The following AKAP13 variants were observed in gnomAD, a reference collection of about 807,000 sequenced individuals.
The protein encoded by AKAP13 is A-kinase anchoring protein 13.
Under a neutral mutation model 264.5 loss-of-function variants are expected in AKAP13, and 80 were observed. The ratio of observed to expected loss-of-function variants is 0.30; its 90% CI spans 0.25 to 0.36. The LOEUF is 0.36. Ranked by LOEUF, AKAP13 falls within the 10% of genes least tolerant of loss-of-function variation. The pLI is 1.00. For synonymous variants in AKAP13, 1,380 were observed against 1,250.2 expected, an observed-to-expected ratio of 1.10 and a Z score of -2.19; for missense variants, 3,712 against 3,435.2, an observed-to-expected ratio of 1.08 and a Z score of -2.01.
intron 10 of AKAP13, among the ~76,000 whole-genome samples, chr15:85,654,268 G>A (rs772146421): frequency 6.6e-5 from 10 of 152,150 alleles, no homozygotes. Context: ...CAAACTTTAG[G>A]TGGGGTCATA....
chr15:85,446,923 A>G (rs556340853), intron 1 of AKAP13, among the ~76,000 whole-genome samples: 3 of 152,282 alleles, frequency 2.0e-5, no homozygotes, highest in Non-Finnish European at 4.4e-5. Flanking sequence ...TTAAACTTAA[A>G]AAAGTGAATG....
chr15:85,393,548 A>G (rs992805773), intron 1 of AKAP13, among the ~76,000 whole-genome samples: 12 of 152,214 alleles, frequency 7.9e-5, no homozygotes, highest in African/African-American at 2.7e-4. Flanking sequence ...GTCATTTTCT[A>G]TAAGGTGTTT....
intron 1 of AKAP13, among the ~76,000 whole-genome samples, chr15:85,441,565 A>G (rs2073654780): frequency 2.6e-5 from 4 of 152,148 alleles, no homozygotes; most frequent in Admixed American, 2.6e-4. Context: ...TCATATATCT[A>G]AGGGATCTTT....
chr15:85,450,142 G>A (rs532832815), intron 1 of AKAP13, among the ~76,000 whole-genome samples: 2 of 152,004 alleles, frequency 1.3e-5, no homozygotes, highest in East Asian at 1.9e-4. Flanking sequence ...TGCTCAGTCT[G>A]GGTGGGGGTG....
At chr15:85,588,455 A>T (rs1448531696) in intron 8 of AKAP13, among the ~76,000 whole-genome samples, 1 of 152,204 alleles carries the variant, frequency 6.6e-6, no homozygotes, top group East Asian at 1.9e-4. Context: ...ACATCCTTGA[A>T]TTCAAATACC....
chr15:85,399,232 C>T (rs1378996817), intron 1 of AKAP13, among the ~76,000 whole-genome samples: 1 of 151,490 alleles, frequency 6.6e-6, no homozygotes, highest in Non-Finnish European at 1.5e-5. Flanking sequence ...CGCGGTGGCT[C>T]ACGCCTGTAA....
rs753793034 is a variant in AKAP13, at chr15:85,579,366, C to G, written c.1298C>G (p.Pro433Arg). The change falls in exon 7 of 37, where the codon CCC (proline) becomes CGC (arginine). Residue 433 changes from proline to arginine, a missense_variant. By Grantham distance (103) the Pro-to-Arg change is moderately radical (BLOSUM62 -2). This residue lies in a region of AKAP13 where 2,759 missense variants were observed against 2,411.7 expected (regional missense o/e 1.14). Transcript: ENST00000394518. The stretch of plus-strand genomic sequence containing the variant: ...ACTGGAACAAAATCTTCTGGAATGC[C>G]CACAGACCAGGAGTCCCTGAGCAGT... ...EETGTKSSGM[P>R]TDQESLSSGD... 20 of 1,614,128 alleles carry G rather than the reference C, an allele frequency of 1.2e-5. 1 individual carries two copies. The Admixed American group carries it at 3.3e-4, about 27-fold the overall frequency.
intron 14 of AKAP13, among the ~76,000 whole-genome samples, chr15:85,678,304 C>T (rs541624762): frequency 2.0e-4 from 31 of 152,304 alleles, no homozygotes; most frequent in African/African-American, 7.2e-4. Context: ...CTTGCTGATT[C>T]TAAGTTTCAG....
chr15:85,738,510 T>G (rs2088706864), intron 33 of AKAP13, among the ~76,000 whole-genome samples: 1 of 152,192 alleles, frequency 6.6e-6, no homozygotes, highest in African/African-American at 2.4e-5. Context: ...TCATGGTAGA[T>G]AAGTAACATA....
chr15:85,504,853 C>A (rs112026940), intron 2 of AKAP13, among the ~76,000 whole-genome samples: 1 of 152,060 alleles, frequency 6.6e-6, no homozygotes, highest in Non-Finnish European at 1.5e-5. Flanking sequence ...GAGACACTCT[C>A]GCTTGCTCTT....
chr15:85,601,051 A>G (rs2080041871), intron 8 of AKAP13, among the ~76,000 whole-genome samples: 1 of 152,222 alleles, frequency 6.6e-6, no homozygotes, highest in Non-Finnish European at 1.5e-5. Context: ...CTGACTTCTT[A>G]AATGCTGAGC....
At chr15:85,386,962 C>T (rs1267132090) in intron 1 of AKAP13, among the ~76,000 whole-genome samples, 1 of 152,080 alleles carries the variant, frequency 6.6e-6, no homozygotes, top group African/African-American at 2.4e-5. Flanking sequence ...GTTGCATTGC[C>T]TTTTGTGCAT....
intron 1 of AKAP13, among the ~76,000 whole-genome samples, chr15:85,431,512 A>G (rs1453075113): frequency 3.9e-5 from 6 of 152,214 alleles, no homozygotes. Flanking sequence ...AGCTTCAAAT[A>G]TTGCTTTACT....
In AKAP13 at chr15:85,613,691, A is replaced by AT. The variant is rs1555450578; in HGVS notation, c.4162-25683_4162-25682insT. ...GCCAGACTCCGTCTAAAAAAAAAAA[A>AT]ATATATATATATATATATATATTAG... is the stretch of plus-strand genomic sequence containing the variant. On this transcript the variant is annotated intron_variant, in intron 8 of 36. Transcript: ENST00000394518. Among the ~76,000 whole-genome samples, 280 of 91,962 alleles carry AT rather than the reference A, an allele frequency of 3.0e-3. 2 individuals are homozygous for AT. The highest frequency in any genetic ancestry group is 4.4e-3 in the South Asian group (12 of 2,748). 60.3% of individuals were successfully genotyped at this position (91,962 alleles called of 152,430 possible).
chr15:85,523,516 C>T (rs1346164884), intron 3 of AKAP13, among the ~76,000 whole-genome samples: 2 of 152,172 alleles, frequency 1.3e-5, no homozygotes, highest in Admixed American at 1.3e-4. Context: ...TCCACATTCC[C>T]TATCCCCCTT....
chr15:85,631,439 C>T (rs1221566761), intron 8 of AKAP13, among the ~76,000 whole-genome samples: 2 of 151,502 alleles, frequency 1.3e-5, no homozygotes, highest in African/African-American at 2.4e-5. Context: ...ATGTGAATTA[C>T]ATCTCAATAA....
intron 16 of AKAP13, among the ~76,000 whole-genome samples, chr15:85,686,487 C>T (rs922263569): frequency 2.0e-5 from 3 of 152,086 alleles, no homozygotes; most frequent in Non-Finnish European, 4.4e-5. Context: ...TTTCATTTCT[C>T]CTGTGCAAGT....
At chr15:85,637,477 T>G (rs568688418) in intron 8 of AKAP13, among the ~76,000 whole-genome samples, 142 of 152,354 alleles carry the variant, frequency 9.3e-4, no homozygotes, top group South Asian at 1.9e-3. Flanking sequence ...GGATCTGTAA[T>G]GGTGTCACTC....
chr15:85,583,110 G>T (rs1181688630), intron 7 of AKAP13: 6 of 985,322 alleles, frequency 6.1e-6, no homozygotes, highest in Non-Finnish European at 7.2e-6. Flanking sequence ...ACCACCACCT[G>T]TTACCAGCTG....
Sources: allele counts gnomAD v4.1 joint callset (sites outside exome capture counted in the v4.1 genomes callset), GRCh38; gene constraint gnomAD v4.1.1; regional missense constraint gnomAD v4.1.1; transcripts MANE v1.5; gene names NCBI Gene and HGNC (gene_info 2026-07-23, HGNC 2026-07-21).